The following SCN8A variants were observed in gnomAD, a reference collection of about 807,000 sequenced individuals.
The protein encoded by SCN8A is sodium channel protein type 8 subunit alpha.
A neutral mutation model predicts 184.1 loss-of-function variants in SCN8A; 30 were observed. The observed-to-expected ratio is 0.16, with a 90% CI of 0.12 to 0.22. The LOEUF is 0.22. Ranked by LOEUF, SCN8A falls within the 10% of genes least tolerant of loss-of-function variation. SCN8A has a pLI of 1.00. For missense variants in SCN8A, 1,057 were observed against 2,498.9 expected (o/e 0.42, Z 12.30); for synonymous variants, 852 against 907.0 (o/e 0.94, Z 1.09).
In SCN8A at chr12:51,790,326, G is replaced by A. The variant is rs1188857746; in HGVS notation, c.4420-72G>A. On this transcript the variant is annotated intron_variant, in intron 24 of 26. Transcript: ENST00000627620. ...AGGTCTCCCCTCAGTTCTCAGTATT[G>A]AACCTTAGGTCCAAACCCATAGCAT... The A allele has an allele frequency of 1.5e-5, 16 of 1,065,948 alleles. No homozygotes were observed. The Admixed American group carries it at 3.7e-4, about 24-fold the overall frequency. The allele number at this position is 1,065,948 out of a possible 1,614,324, so 66.0% of individuals were successfully genotyped here. A position where few individuals can be genotyped will look rare whatever the true frequency, so the allele number is the denominator to read the frequency against.
chr12:51,746,095 A>G, intron 13 of SCN8A, 60 bp downstream of exon 13: 1 of 1,456,358 alleles, frequency 6.9e-7, no homozygotes, highest in Non-Finnish European at 9.2e-7. Flanking sequence ...GTGCATGGTA[A>G]ATATAATCCC....
chr12:51,617,419 T>C (rs557886181), intron 1 of SCN8A, among the ~76,000 whole-genome samples: 2 of 152,218 alleles, frequency 1.3e-5, no homozygotes, highest in African/African-American at 2.4e-5. Flanking sequence ...ATTTCTGTTA[T>C]TGTGTTTTCT....
At chr12:51,609,718 C>T (rs1163828609) in intron 1 of SCN8A, among the ~76,000 whole-genome samples, 5 of 151,202 alleles carry the variant, frequency 3.3e-5, no homozygotes, top group Non-Finnish European at 1.5e-5. Flanking sequence ...GGCAAAACCC[C>T]GCCTCTACTA....
At position 51,607,063 on chromosome 12, in the gene SCN8A, A is replaced by G. The variant is rs1248995309; in HGVS notation, c.-55+15704A>G. 2.6e-5 allele frequency among the ~76,000 whole-genome samples: 4 copies of G among 151,644 alleles called. No individual in the cohort carries two copies. The South Asian group carries it at 8.4e-4, about 32-fold the overall frequency. ...CAGGGGTATGCCACCACACCTGGCTATTTTTGTATTTGCAGTAGAGATGGG... is the reference window on the plus strand; with the variant it reads ...CAGGGGTATGCCACCACACCTGGCTGTTTTTGTATTTGCAGTAGAGATGGG... On this transcript the variant is annotated intron_variant, in intron 1 of 26. Coordinates refer to ENST00000627620, the MANE Select transcript of SCN8A (RefSeq NM_001330260.2).
intron 1 of SCN8A, among the ~76,000 whole-genome samples, chr12:51,645,683 T>C (rs1266061544): frequency 6.6e-6 from 1 of 151,856 alleles, no homozygotes; most frequent in African/African-American, 2.4e-5. Context: ...AAACATGTGC[T>C]GTATCCACTC....
intron 7 of SCN8A, 111 bp downstream of exon 7, chr12:51,699,902 C>T: frequency 1.2e-6 from 1 of 861,772 alleles, no homozygotes; most frequent in Non-Finnish European, 1.8e-6. Context: ...CGCGGTGGCT[C>T]ACTCCTATAA....
In SCN8A at chr12:51,809,024, G is replaced by A. The variant is rs937156898; in HGVS notation, c.*1595G>A. The A allele has an allele frequency of 3.9e-4, 59 of 152,232 alleles. No homozygotes were observed. Among genetic ancestry groups the A allele is most frequent in the African/African-American group, 1.4e-3 (57 of 41,448 alleles). 9.4% of individuals were successfully genotyped at this position (152,232 alleles called of 1,614,324 possible). A position where few individuals can be genotyped will look rare whatever the true frequency, so the allele number is the denominator to read the frequency against. On this transcript the variant is annotated 3_prime_UTR_variant, in exon 27 of 27. Coordinates refer to ENST00000627620, the MANE Select transcript of SCN8A (RefSeq NM_001330260.2). ...TTCTTTACTGCACTGGTTTTCATGA[G>A]AAAGCAATTTAATATTAATTCTTTA... is the stretch of plus-strand genomic sequence containing the variant.
intron 2 of SCN8A, among the ~76,000 whole-genome samples, chr12:51,678,824 T>A (rs915745037): frequency 3.3e-5 from 5 of 152,144 alleles, no homozygotes; most frequent in Admixed American, 3.3e-4. Context: ...ACGCCTGTAA[T>A]CCCAGCACTT....
chr12:51,648,211 A>AT (rs1460774227), intron 1 of SCN8A, among the ~76,000 whole-genome samples: 2 of 152,216 alleles, frequency 1.3e-5, no homozygotes, highest in African/African-American at 4.8e-5. Context: ...CTTGGAAAAG[A>AT]TAGAGTCTCA....
intron 1 of SCN8A, among the ~76,000 whole-genome samples, chr12:51,645,331 G>C (rs1565871696): frequency 6.9e-6 from 1 of 145,772 alleles, no homozygotes; most frequent in African/African-American, 2.6e-5. Flanking sequence ...GGAGGGAGGT[G>C]GGGGGGTTCA....
At chr12:51,780,856 C>A in intron 21 of SCN8A, 85 bp downstream of exon 21, 1 of 1,350,348 alleles carries the variant, frequency 7.4e-7, no homozygotes, top group South Asian at 2.1e-5. Flanking sequence ...GTGGAAAGAT[C>A]ATTCAAACAC....
chr12:51,650,224 G>A (rs1940678599), intron 1 of SCN8A, among the ~76,000 whole-genome samples: 1 of 152,294 alleles, frequency 6.6e-6, no homozygotes, highest in African/African-American at 2.4e-5. Context: ...CATTCAACAA[G>A]TCTCTAGGAA....
intron 1 of SCN8A, among the ~76,000 whole-genome samples, chr12:51,645,097 C>T (rs1240828859): frequency 3.4e-5 from 5 of 149,172 alleles, no homozygotes; most frequent in South Asian, 2.1e-4. Flanking sequence ...GCCCCCCGCC[C>T]GGCCAGCCGC....
intron 2 of SCN8A, among the ~76,000 whole-genome samples, chr12:51,671,937 T>C (rs1012370361): frequency 6.6e-6 from 1 of 152,212 alleles, no homozygotes; most frequent in Non-Finnish European, 1.5e-5. Context: ...CAAGTTGGAA[T>C]AAAAGATTCT....
At chr12:51,610,443 G>A (rs1162106529) in intron 1 of SCN8A, among the ~76,000 whole-genome samples, 5 of 151,988 alleles carry the variant, frequency 3.3e-5, no homozygotes, top group African/African-American at 4.8e-5. Context: ...TGGTTTTTTT[G>A]TTTTTTGTTT....
At chr12:51,594,678 A>T (rs1200642687) in intron 1 of SCN8A, among the ~76,000 whole-genome samples, 1 of 152,192 alleles carries the variant, frequency 6.6e-6, no homozygotes, top group Non-Finnish European at 1.5e-5. Flanking sequence ...TTGCAGAAAA[A>T]TTTTAATATA....
intron 15 of SCN8A, among the ~76,000 whole-genome samples, chr12:51,763,521 A>C (rs1432350320): frequency 1.3e-5 from 2 of 152,218 alleles, no homozygotes; most frequent in Non-Finnish European, 1.5e-5. Flanking sequence ...TAAGTCAAGG[A>C]GCATCTGTAT....
intron 26 of SCN8A, among the ~76,000 whole-genome samples, chr12:51,798,896 ACAGCCCATGAAT>A (rs1592169935): frequency 6.6e-6 from 1 of 152,232 alleles, no homozygotes; most frequent in East Asian, 1.9e-4. Context: ...ACCATTTGCT[ACAGCCCATGAAT>A]CAGTATATAA....
chr12:51,747,234 A>G (rs1381708783), intron 13 of SCN8A, among the ~76,000 whole-genome samples: 1 of 152,072 alleles, frequency 6.6e-6, no homozygotes, highest in African/African-American at 2.4e-5. Context: ...AACTAGACTG[A>G]CCTTGAGAAT....
Sources: allele counts gnomAD v4.1 joint callset (sites outside exome capture counted in the v4.1 genomes callset), GRCh38; gene constraint gnomAD v4.1.1; transcripts MANE v1.5; gene names NCBI Gene and HGNC (gene_info 2026-07-23, HGNC 2026-07-21).